The following CLEC12B variants were observed in gnomAD, a reference collection of about 807,000 sequenced individuals.
The protein encoded by CLEC12B is macrophage antigen h.
CLEC12B carries 25 observed loss-of-function variants against 36.1 expected under a neutral mutation model. The observed-to-expected ratio is 0.69, with a 90% CI of 0.50 to 0.97. The LOEUF is 0.97. Ranked by LOEUF, CLEC12B falls within the 50% of genes least tolerant of loss-of-function variation. CLEC12B has a pLI of 0.00. For missense variants in CLEC12B, 325 were observed against 318.4 expected, an observed-to-expected ratio of 1.02 and a Z score of -0.16; for synonymous variants, 110 against 108.5, an observed-to-expected ratio of 1.01 and a Z score of -0.09.
rs748546030 is a variant in CLEC12B, at chr12:10,015,235, T to C, written c.410-17T>C. 4 of 1,601,452 alleles carry C rather than the reference T, an allele frequency of 2.5e-6. No individual in the cohort carries two copies. The Admixed American group carries it at 6.8e-5, about 27-fold the overall frequency. ...AGAGTCTTCAGTTTATATTATTGGG[T>C]ATAATTTCCTTTTCAGACCACAGAT... On this transcript the variant is annotated splice_polypyrimidine_tract_variant and intron_variant, in intron 3 of 5. Transcript: ENST00000338896.
upstream of CLEC12B, among the ~76,000 whole-genome samples, chr12:10,009,797 C>T (rs984292564): frequency 5.3e-5 from 8 of 152,090 alleles, no homozygotes; most frequent in Non-Finnish European, 1.2e-4. Context: ...AAACTCATAC[C>T]CAATCCTTCC....
chr12:10,007,742 G>A (rs1865247898), upstream of CLEC12B, among the ~76,000 whole-genome samples: 2 of 152,234 alleles, frequency 1.3e-5, no homozygotes, highest in Non-Finnish European at 2.9e-5. Flanking sequence ...CTACTTGAAT[G>A]TATGCACAGA....
rs1430950899 is a variant in CLEC12B at position 10,012,874 on chromosome 12, G to A, written c.181G>A (p.Gly61Arg). 6.2e-7 allele frequency: 1 copy of A among 1,610,682 alleles called. No individual in the cohort carries two copies. The highest frequency in any genetic ancestry group is 2.2e-5 in the East Asian group (1 of 44,864). The change falls in exon 2 of 6, where the codon GGG (glycine) becomes AGG (arginine). Residue 61 changes from glycine to arginine, a missense_variant. Gly to Arg is a moderately radical substitution (Grantham distance 125, BLOSUM62 -2). Coordinates refer to ENST00000338896, the MANE Select transcript of CLEC12B (RefSeq NM_001129998.3). ...GTTGCTGATTGGGCTGGTGACATTG[G>A]GGATGATGTGTAAGTATATCAGCAT... Reference protein sequence around the residue: ...LMLLIGLVTLGMMFLQISNDI... With the variant: ...LMLLIGLVTLRMMFLQISNDI...
At chr12:10,015,756 C>G (rs1231206318) in intron 5 of CLEC12B, 29 bp downstream of exon 5, 3 of 1,605,500 alleles carry the variant, frequency 1.9e-6, no homozygotes, top group Non-Finnish European at 2.5e-6. Flanking sequence ...AGGGTAAACA[C>G]AAGCTTTCCA....
At chr12:10,016,590 C>A (rs1317672291) in intron 5 of CLEC12B, 1 of 263,316 alleles carries the variant, frequency 3.8e-6, no homozygotes. Flanking sequence ...TAGTATTTTT[C>A]TATTAGATAA....
At chr12:10,016,362 T>A (rs762264209) in intron 5 of CLEC12B, 1 of 152,600 alleles carries the variant, frequency 6.6e-6, no homozygotes, top group Non-Finnish European at 1.5e-5. Flanking sequence ...AGGGTTTGGA[T>A]GAAACTATTT....
At chr12:10,017,275 GAC>G in intron 5 of CLEC12B, 1 of 985,290 alleles carries the variant, frequency 1.0e-6, no homozygotes, top group Non-Finnish European at 1.2e-6. Flanking sequence ...CAAAAAAAGT[GAC>G]AGTTACTTTT....
upstream of CLEC12B, among the ~76,000 whole-genome samples, chr12:10,007,462 G>A (rs546078832): frequency 1.6e-4 from 25 of 152,262 alleles, no homozygotes; most frequent in Non-Finnish European, 3.7e-4. Flanking sequence ...CTCATATACT[G>A]ATGTAGCTGT....
At chr12:10,013,360 G>C (rs987416485) in intron 2 of CLEC12B, 4 of 183,036 alleles carry the variant, frequency 2.2e-5, no homozygotes, top group African/African-American at 7.2e-5. Flanking sequence ...GAATGAGAAA[G>C]ACATATAAAC....
intron 2 of CLEC12B, 73 bp downstream of exon 2, chr12:10,012,956 A>G (rs749184150): frequency 1.8e-4 from 190 of 1,071,410 alleles, no homozygotes; most frequent in Non-Finnish European, 2.5e-4. Context: ...TTCAGCTTGG[A>G]TTGTAGATGG....
intron 5 of CLEC12B, chr12:10,016,071 G>C (rs1865481004): frequency 1.2e-6 from 1 of 800,974 alleles, no homozygotes; most frequent in South Asian, 5.1e-5. Flanking sequence ...TAAGTAACTT[G>C]CCTGAGGTCA....
chr12:10,014,625 A>C lies in CLEC12B; in HGVS notation c.293A>C (p.Asn98Thr). The part of the protein sequence containing the change: ...QQDNLSQQLG[N>T]SNNLSMEEEF... ...GATAACTTATCCCAGCAACTGGGCAACTCCAACAACTTGTCCATGGAGGAG... is the reference window on the plus strand; with the variant it reads ...GATAACTTATCCCAGCAACTGGGCACCTCCAACAACTTGTCCATGGAGGAG... The change falls in exon 3 of 6, where the codon AAC becomes ACC. Residue 98 changes from asparagine (N) to threonine (T), a missense_variant. Transcript: ENST00000338896. 5.6e-6 allele frequency: 9 copies of C among 1,613,784 alleles called. No homozygotes were observed. The highest frequency in any genetic ancestry group is 7.6e-6 in the Non-Finnish European group (9 of 1,179,728).
At chr12:10,014,821 G>A (rs966890032) in intron 3 of CLEC12B, 80 bp downstream of exon 3, 8 of 901,522 alleles carry the variant, frequency 8.9e-6, no homozygotes, top group African/African-American at 8.2e-5. Flanking sequence ...CCACCTAAGA[G>A]TATTGAGAGA....
rs199798254 is a variant in CLEC12B at position 10,018,440 on chromosome 12, G to A, written c.790G>A (p.Glu264Lys). ...TAGTGCTGAAATTTTTTGGATTTGC[G>A]AGAAGACAGCTGCCCCAGTGAAGAC... ...RCSAEIFWIC[E>K]KTAAPVKTED... Residue 264 changes from glutamate to lysine, a missense_variant, in exon 6 of 6, where the codon GAG becomes AAG. By Grantham distance (56) the Glu-to-Lys change is moderately conservative. Transcript: ENST00000338896. The A allele has an allele frequency of 8.1e-4, 1,255 of 1,550,758 alleles. 1 individual carries two copies. Among genetic ancestry groups the A allele is most frequent in the African/African-American group, 1.1e-3 (84 of 73,060 alleles).
At chr12:10,010,220 A>T (rs936097042), upstream of CLEC12B, among the ~76,000 whole-genome samples, 1 of 151,746 alleles carries the variant, frequency 6.6e-6, no homozygotes, top group Non-Finnish European at 1.5e-5. Context: ...ACACACACAC[A>T]CACACACACA....
At chr12:10,010,437 T>A (rs964159491), upstream of CLEC12B, among the ~76,000 whole-genome samples, 7 of 152,316 alleles carry the variant, frequency 4.6e-5, no homozygotes, top group Non-Finnish European at 8.8e-5. Flanking sequence ...ACCCCGAGGA[T>A]CATGGGAATT....
chr12:10,012,720 A>G, intron 1 of CLEC12B, 65 bp from the exon 2 acceptor site: 3 of 1,331,730 alleles, frequency 2.3e-6, no homozygotes, highest in Non-Finnish European at 3.2e-6. Flanking sequence ...GGAGAAATAA[A>G]CAAACCAAAG....
upstream of CLEC12B, among the ~76,000 whole-genome samples, chr12:10,006,597 T>C (rs948388572): frequency 6.6e-6 from 1 of 152,072 alleles, no homozygotes; most frequent in Non-Finnish European, 1.5e-5. Flanking sequence ...GAGAATGGTG[T>C]CCTAGGGAAC....
At position 10,018,462 on chromosome 12, in the gene CLEC12B, A is replaced by G. The variant is rs1396768024; in HGVS notation, c.812A>G (p.Lys271Arg). Residue 271 changes from lysine (K) to arginine (R), a missense_variant, in exon 6 of 6, where the codon AAG becomes AGG. Physicochemically the swap from Lys to Arg is conservative, Grantham distance 26. Transcript: ENST00000338896. ...TGCGAGAAGACAGCTGCCCCAGTGA[A>G]GACTGAGGATTTGGATTAGTATGCT... ...WICEKTAAPVKTEDLD is the reference protein window; with the variant it reads ...WICEKTAAPVRTEDLD 2.6e-6 allele frequency: 4 copies of G among 1,550,704 alleles called. No individual in the cohort carries two copies.
Sources: allele counts gnomAD v4.1 joint callset (sites outside exome capture counted in the v4.1 genomes callset), GRCh38; gene constraint gnomAD v4.1.1; transcripts MANE v1.5; gene names NCBI Gene and HGNC (gene_info 2026-07-23, HGNC 2026-07-21).